The following ARHGAP42 variants were observed in gnomAD, a reference collection of about 807,000 sequenced individuals.
ARHGAP42 encodes the protein Rho GTPase activating protein 42, also known as rho GTPase-activating protein 42.
A neutral mutation model predicts 125.0 loss-of-function variants in ARHGAP42; 63 were observed. The ratio of observed to expected loss-of-function variants is 0.50; its 90% CI spans 0.41 to 0.62. The LOEUF (loss-of-function observed/expected upper bound fraction) is 0.62. Ranked by LOEUF, ARHGAP42 falls within the 20% of genes least tolerant of loss-of-function variation. The pLI, the probability that ARHGAP42 is intolerant of heterozygous loss-of-function variation, is 0.00. For missense variants in ARHGAP42, 766 were observed against 1,024.2 expected, an observed-to-expected ratio of 0.75 and a Z score of 3.44; for synonymous variants, 339 against 351.0, an observed-to-expected ratio of 0.97 and a Z score of 0.38.
intron 1 of ARHGAP42, among the ~76,000 whole-genome samples, chr11:100,713,572 A>T (rs1247990382): frequency 6.6e-6 from 1 of 152,216 alleles, no homozygotes; most frequent in Non-Finnish European, 1.5e-5. Flanking sequence ...TAGTCACCTA[A>T]TGTGGATTAA....
chr11:100,890,361 T>A (rs1433714901), intron 4 of ARHGAP42, among the ~76,000 whole-genome samples: 1 of 152,218 alleles, frequency 6.6e-6, no homozygotes. Flanking sequence ...TTTGATGGCT[T>A]TCTGTATTAT....
chr11:100,745,670 A>G (rs1364114795), intron 1 of ARHGAP42, among the ~76,000 whole-genome samples: 1 of 152,174 alleles, frequency 6.6e-6, no homozygotes, highest in Non-Finnish European at 1.5e-5. Flanking sequence ...ATGAAGGTAC[A>G]ACATTGAGTT....
intron 1 of ARHGAP42, among the ~76,000 whole-genome samples, chr11:100,751,819 G>A (rs892431205): frequency 1.8e-5 from 2 of 114,248 alleles, no homozygotes; most frequent in Admixed American, 1.2e-4. Context: ...TCCCTTTGTC[G>A]CCCAGGCTGG....
intron 1 of ARHGAP42, among the ~76,000 whole-genome samples, chr11:100,751,644 A>G (rs1209574799): frequency 6.6e-6 from 1 of 151,702 alleles, no homozygotes; most frequent in Non-Finnish European, 1.5e-5. Flanking sequence ...CCCTCACTGA[A>G]ACACACTGAG....
intron 1 of ARHGAP42, among the ~76,000 whole-genome samples, chr11:100,765,860 G>T (rs904058968): frequency 6.6e-6 from 1 of 152,092 alleles, no homozygotes; most frequent in Non-Finnish European, 1.5e-5. Flanking sequence ...TAAACTAATG[G>T]ACTGACTGGT....
At chr11:100,862,384 C>A (rs1242241278) in intron 4 of ARHGAP42, among the ~76,000 whole-genome samples, 1 of 152,060 alleles carries the variant, frequency 6.6e-6, no homozygotes, top group Admixed American at 6.6e-5. Flanking sequence ...AGTTTTCTAG[C>A]CCCCAAAAAG....
chr11:100,976,762 G>A (rs971628525), intron 20 of ARHGAP42, 53 bp from the exon 21 acceptor site: 5 of 1,537,922 alleles, frequency 3.3e-6, no homozygotes, highest in Non-Finnish European at 2.6e-6. Context: ...ACGTGTTATT[G>A]CTATTATGTT....
In ARHGAP42 at chr11:100,859,235, G is replaced by T. The variant is rs201158477; in HGVS notation, c.313-319G>T. ...CTACATTAAACCAGTGTAATTATAGGTATTTGTAAATTTAATACCCAATGT... is the reference window on the plus strand; with the variant it reads ...CTACATTAAACCAGTGTAATTATAGTTATTTGTAAATTTAATACCCAATGT... On this transcript the variant is annotated intron_variant, in intron 3 of 23. Transcript: ENST00000298815. 1.1e-3 allele frequency: 246 copies of T among 216,242 alleles called. 1 individual carries two copies. In the East Asian group the frequency reaches 0.017, roughly 15 times the overall value. 13.4% of individuals were successfully genotyped at this position (216,242 alleles called of 1,614,324 possible).
chr11:100,893,810 C>A (rs893693563), intron 4 of ARHGAP42, among the ~76,000 whole-genome samples: 1 of 152,086 alleles, frequency 6.6e-6, no homozygotes, highest in East Asian at 1.9e-4. Flanking sequence ...AACCCTATTT[C>A]TCAAGTCAAG....
intron 1 of ARHGAP42, among the ~76,000 whole-genome samples, chr11:100,711,448 A>C (rs1488837658): frequency 1.3e-5 from 2 of 151,980 alleles, no homozygotes; most frequent in Non-Finnish European, 2.9e-5. Flanking sequence ...TTGCCCTCCT[A>C]GGCTCAAGTG....
chr11:100,978,838 A>T, intron 21 of ARHGAP42, 149 bp from the exon 22 acceptor site: 1 of 725,388 alleles, frequency 1.4e-6, no homozygotes, highest in Non-Finnish European at 2.3e-6. Context: ...CATTGACATT[A>T]AAGGTTAAAA....
intron 10 of ARHGAP42, among the ~76,000 whole-genome samples, chr11:100,945,994 A>T (rs529612516): frequency 1.8e-4 from 28 of 152,214 alleles, no homozygotes; most frequent in Non-Finnish European, 3.2e-4. Context: ...CTACATTGAA[A>T]ATCTGTTGTT....
At chr11:100,883,904 A>G (rs1866020882) in intron 4 of ARHGAP42, among the ~76,000 whole-genome samples, 1 of 152,158 alleles carries the variant, frequency 6.6e-6, no homozygotes, top group African/African-American at 2.4e-5. Flanking sequence ...TATTTTTAGA[A>G]GTTGGTATCC....
intron 1 of ARHGAP42, among the ~76,000 whole-genome samples, chr11:100,766,963 C>T (rs1435025837): frequency 6.6e-6 from 1 of 152,096 alleles, no homozygotes; most frequent in Non-Finnish European, 1.5e-5. Context: ...TTCTTAATTC[C>T]ATCAAGAGTT....
intron 4 of ARHGAP42, among the ~76,000 whole-genome samples, chr11:100,879,071 A>G (rs1056618573): frequency 6.6e-6 from 1 of 152,064 alleles, no homozygotes; most frequent in Non-Finnish European, 1.5e-5. Flanking sequence ...AAAATTAATA[A>G]TGCCTCAAAA....
intron 4 of ARHGAP42, 131 bp downstream of exon 4, chr11:100,859,756 A>G (rs933139156): frequency 2.7e-5 from 17 of 630,110 alleles, no homozygotes; most frequent in Non-Finnish European, 4.1e-5. Flanking sequence ...AACTTTTTGC[A>G]TAGAGACTTA....
At chr11:100,797,212 G>GAT (rs1190684909) in intron 3 of ARHGAP42, among the ~76,000 whole-genome samples, 3 of 152,206 alleles carry the variant, frequency 2.0e-5, no homozygotes, top group African/African-American at 4.8e-5. Context: ...GCCAAGTGCT[G>GAT]ATATAGAAGC....
At chr11:100,751,277 G>GTTTTTTTTTTTTTTTTTTTTTTT (rs756243174) in intron 1 of ARHGAP42, among the ~76,000 whole-genome samples, 12 of 121,658 alleles carry the variant, frequency 9.9e-5, no homozygotes, top group African/African-American at 2.0e-4. Context: ...GTGTGTGTGT[G>GTTTTTTTTTTTTTTTTTTTTTTT]TGTTTTTTTT....
At chr11:100,728,555 G>A (rs1021697827) in intron 1 of ARHGAP42, among the ~76,000 whole-genome samples, 4 of 151,788 alleles carry the variant, frequency 2.6e-5, no homozygotes, top group Admixed American at 6.6e-5. Flanking sequence ...AGGAATAATT[G>A]TAGCACTTAC....
Sources: allele counts gnomAD v4.1 joint callset (sites outside exome capture counted in the v4.1 genomes callset), GRCh38; gene constraint gnomAD v4.1.1; transcripts MANE v1.5; gene names NCBI Gene and HGNC (gene_info 2026-07-23, HGNC 2026-07-21).